The following ZKSCAN7 variants were observed in gnomAD, a reference collection of about 807,000 sequenced individuals.
The protein encoded by ZKSCAN7 is zinc finger with KRAB and SCAN domains 7, also known as zinc finger protein with KRAB and SCAN domains 7.
ZKSCAN7 carries 38 observed loss-of-function variants against 65.3 expected under a neutral mutation model. The observed-to-expected ratio is 0.58, with a 90% CI of 0.45 to 0.76. The LOEUF is 0.76. ZKSCAN7 is among the 30% of genes least tolerant of loss of function. ZKSCAN7 has a pLI of 0.00. For missense variants in ZKSCAN7, 815 were observed against 913.3 expected (o/e 0.89, Z 1.39); for synonymous variants, 321 against 321.0 (o/e 1.00, Z 0.00).
downstream of ZKSCAN7, among the ~76,000 whole-genome samples, chr3:44,574,721 G>A (rs918874660): frequency 1.3e-5 from 2 of 152,120 alleles, no homozygotes; most frequent in African/African-American, 4.8e-5. Context: ...CTTGAGGTCA[G>A]GAGTTCAAGA....
At chr3:44,560,822 T>G (rs1699456141) in intron 2 of ZKSCAN7, among the ~76,000 whole-genome samples, 2 of 152,182 alleles carry the variant, frequency 1.3e-5, no homozygotes, top group African/African-American at 2.4e-5. Context: ...TCCTGTATCT[T>G]TTTTCATCTC....
Position 44,557,097 on chromosome 3 carries a change from C to T in ZKSCAN7, c.50C>T (p.Ala17Val). The change falls in exon 2 of 6, where the codon GCT becomes GTT. Residue 17 changes from alanine (A) to valine (V), a missense_variant. By Grantham distance (64) the Ala-to-Val change is moderately conservative (BLOSUM62 0). Coordinates refer to ENST00000426540, the MANE Select transcript of ZKSCAN7 (RefSeq NM_001288590.2). ...TTAGGCCTCATCCCCAGGAGCACTG[C>T]TTTCCAGAAGCAAGAGGGGCGCCTG... is the stretch of plus-strand genomic sequence containing the variant. ...GNLGLIPRSTAFQKQEGRLTV... is the reference protein window; with the variant it reads ...GNLGLIPRSTVFQKQEGRLTV... 1 of 1,614,256 alleles carries T rather than the reference C, an allele frequency of 6.2e-7. No individual in the cohort carries two copies. The highest frequency in any genetic ancestry group is 8.5e-7 in the Non-Finnish European group (1 of 1,180,044).
chr3:44,573,696 C>A (rs1226868122), downstream of ZKSCAN7, among the ~76,000 whole-genome samples: 1 of 152,190 alleles, frequency 6.6e-6, no homozygotes, highest in Non-Finnish European at 1.5e-5. Flanking sequence ...TGGGTCCAGC[C>A]CTCTACCCTG....
chr3:44,565,767 G>C, intron 3 of ZKSCAN7, 112 bp downstream of exon 3: 3 of 1,142,550 alleles, frequency 2.6e-6, no homozygotes, highest in Non-Finnish European at 3.5e-6. Context: ...TTGCTCTGCT[G>C]TCTGTCCTTC....
rs1272238248 is a variant in ZKSCAN7, at chr3:44,565,592, C to T, written c.529C>T (p.Pro177Ser). The T allele has an allele frequency of 1.9e-6, 3 of 1,612,552 alleles. No homozygotes were observed. The highest frequency in any genetic ancestry group is 2.5e-6 in the Non-Finnish European group (3 of 1,179,552). ...CTCACCCCTCAGTGGGGGCTCAGCC[C>T]CTGGAGCCCACCTGGAGCCTCCTTA... ...PTSPLSGGSA[P>S]GAHLEPPYDP... is the part of the protein sequence containing the mutation. The change falls in exon 3 of 6, where the codon CCT becomes TCT. Residue 177 changes from proline (P) to serine (S), a missense_variant. Pro to Ser is a moderately conservative substitution (Grantham distance 74). Transcript: ENST00000426540.
chr3:44,572,360 GTGTGTGTGTGTGTGT>G (rs2125727418), downstream of ZKSCAN7, among the ~76,000 whole-genome samples: 1 of 115,982 alleles, frequency 8.6e-6, no homozygotes, highest in South Asian at 2.7e-4. Flanking sequence ...GTGTGTGTGT[GTGTGTGTGTGTGTGT>G]GTGTGTGTGT....
chr3:44,582,101 A>G (rs1700098635), intron 5 of ZKSCAN7, among the ~76,000 whole-genome samples: 1 of 152,206 alleles, frequency 6.6e-6, no homozygotes, highest in Non-Finnish European at 1.5e-5. Flanking sequence ...AGAATTTGCC[A>G]CAGCTGGATA....
At chr3:44,557,503 G>C (rs1442556139) in intron 2 of ZKSCAN7, 33 bp downstream of exon 2, 1 of 1,612,674 alleles carries the variant, frequency 6.2e-7, no homozygotes, top group Non-Finnish European at 8.5e-7. Flanking sequence ...GCGGCCTGAT[G>C]CTTCTCTAAT....
intron 2 of ZKSCAN7, among the ~76,000 whole-genome samples, chr3:44,562,665 G>A (rs1250450353): frequency 1.3e-5 from 2 of 152,158 alleles, no homozygotes; most frequent in Non-Finnish European, 2.9e-5. Context: ...GTCACTTCTT[G>A]AATGCTTTGC....
chr3:44,580,346 A>T, intron 5 of ZKSCAN7: 1 of 1,611,668 alleles, frequency 6.2e-7, no homozygotes, highest in Non-Finnish European at 8.5e-7. Context: ...TGGCAGCAGG[A>T]GGCTGGCTCT....
Position 44,571,739 on chromosome 3 carries a change from A to G in ZKSCAN7, c.*364A>G. ...CTACTTCCTCCATTTCACCATTTAT[A>G]CAAAGTCATTCAAAAAGGCTGATTC... is the stretch of plus-strand genomic sequence containing the variant. On this transcript the variant is annotated 3_prime_UTR_variant, in exon 6 of 6. Transcript: ENST00000426540. 9.5e-7 allele frequency: 1 copy of G among 1,050,854 alleles called. No individual in the cohort carries two copies. Among genetic ancestry groups the G allele is most frequent in the Non-Finnish European group, 1.1e-6 (1 of 869,664 alleles). 65.1% of individuals were successfully genotyped at this position (1,050,854 alleles called of 1,614,324 possible).
Position 44,570,440 on chromosome 3 carries a change from T to C in ZKSCAN7, c.1330T>C (p.Cys444Arg). ...TGEKPYECSE[C>R]GKAYRHSSHL... ...GGAAAAACCCTATGAATGCAGTGAG[T>C]GTGGAAAGGCCTATAGGCACAGCTC... is the stretch of plus-strand genomic sequence containing the variant. Residue 444 changes from cysteine (C) to arginine (R), a missense_variant, in exon 6 of 6, where the codon TGT becomes CGT. Physicochemically the swap from Cys to Arg is radical, Grantham distance 180. This residue lies in a region of ZKSCAN7 where 578 missense variants were observed against 629.5 expected (regional missense o/e 0.92). Coordinates refer to ENST00000426540, the MANE Select transcript of ZKSCAN7 (RefSeq NM_001288590.2). 2 of 1,613,872 alleles carry C rather than the reference T, an allele frequency of 1.2e-6. No homozygotes were observed. The highest frequency in any genetic ancestry group is 2.2e-5 in the South Asian group (2 of 91,056).
chr3:44,568,900 C>T (rs1188423610), intron 5 of ZKSCAN7, among the ~76,000 whole-genome samples: 1 of 152,202 alleles, frequency 6.6e-6, no homozygotes, highest in African/African-American at 2.4e-5. Context: ...TCCTCTTGCC[C>T]ATTTTCTTCA....
At chr3:44,579,174 C>G (rs971872282) in intron 5 of ZKSCAN7, among the ~76,000 whole-genome samples, 2 of 152,228 alleles carry the variant, frequency 1.3e-5, no homozygotes, top group African/African-American at 4.8e-5. Context: ...ACAGGCAGCC[C>G]TGGGCTCCGG....
chr3:44,580,044 G>A, intron 5 of ZKSCAN7: 2 of 1,579,970 alleles, frequency 1.3e-6, no homozygotes, highest in Non-Finnish European at 1.7e-6. Context: ...GCCCTGGCGT[G>A]TGTCACTGGA....
chr3:44,565,358 G>T (rs992973451), intron 2 of ZKSCAN7, 129 bp from the exon 3 acceptor site: 10 of 874,010 alleles, frequency 1.1e-5, no homozygotes, highest in Admixed American at 2.9e-5. Context: ...GACTGTAGTG[G>T]TGGGGCTGGA....
In ZKSCAN7 at chr3:44,565,473, T is replaced by A. The variant is rs1164914807; in HGVS notation, c.424-14T>A. ...GATGCTCTTTTGAACCCAATTGTAT[T>A]TCCCTCTCTCTAGGTTTCAGCCCCA... On this transcript the variant is annotated splice_polypyrimidine_tract_variant and intron_variant, in intron 2 of 5. Transcript: ENST00000426540. 1 of 1,592,746 alleles carries A rather than the reference T, an allele frequency of 6.3e-7. No individual in the cohort carries two copies. Among genetic ancestry groups the A allele is most frequent in the Middle Eastern group, 1.7e-4 (1 of 5,952 alleles).
In ZKSCAN7 at chr3:44,558,175, G is replaced by A. The variant is rs559962176; in HGVS notation, c.423+705G>A. On this transcript the variant is annotated intron_variant, in intron 2 of 5. Coordinates refer to ENST00000426540, the MANE Select transcript of ZKSCAN7 (RefSeq NM_001288590.2). ...GAGGTAGAATCAGTAGGAGAGAGGG[G>A]TGTGTGTGTGTGTGTGTGTGTGGGC... is the stretch of plus-strand genomic sequence containing the variant. Among the ~76,000 whole-genome samples the A allele has an allele frequency of 4.0e-4, 57 of 142,240 alleles. No individual in the cohort carries two copies. The East Asian group carries it at 6.6e-3, about 17-fold the overall frequency. 93.3% of individuals were successfully genotyped at this position (142,240 alleles called of 152,430 possible).
chr3:44,578,167 A>G (rs896405166), intron 5 of ZKSCAN7: 1 of 1,518,778 alleles, frequency 6.6e-7, no homozygotes, highest in Non-Finnish European at 9.1e-7. Flanking sequence ...CTGATGTCAC[A>G]GTCAGCCTTA....
Sources: allele counts gnomAD v4.1 joint callset (sites outside exome capture counted in the v4.1 genomes callset), GRCh38; gene constraint gnomAD v4.1.1; regional missense constraint gnomAD v4.1.1; transcripts MANE v1.5; gene names NCBI Gene and HGNC (gene_info 2026-07-23, HGNC 2026-07-21).